Variants in ALCAM observed in about 807,000 individuals in gnomAD.
ALCAM encodes the protein CD166 antigen.
A neutral mutation model predicts 70.9 loss-of-function variants in ALCAM; 30 were observed. That is an observed-to-expected ratio of 0.42 (90% CI 0.32 to 0.57). The LOEUF (loss-of-function observed/expected upper bound fraction) is 0.57, where lower values mean the gene tolerates loss of function less well. ALCAM is among the 20% of genes least tolerant of loss of function. The probability of loss-of-function intolerance (pLI) is 0.11; values close to 1 mark genes in which losing one functional copy is unlikely to be tolerated. For synonymous variants in ALCAM, 249 were observed against 242.5 expected (o/e 1.03, Z -0.25); for missense variants, 591 against 695.1 (o/e 0.85, Z 1.68).
chr3:105,463,719 T>C (rs1334591921), intron 1 of ALCAM, among the ~76,000 whole-genome samples: 1 of 151,394 alleles, frequency 6.6e-6, no homozygotes, highest in Non-Finnish European at 1.5e-5. Flanking sequence ...ACTACATTTT[T>C]CCCAGTGAAT....
chr3:105,419,037 T>C (rs1936577682), intron 1 of ALCAM, among the ~76,000 whole-genome samples: 1 of 151,784 alleles, frequency 6.6e-6, no homozygotes, highest in African/African-American at 2.4e-5. Flanking sequence ...TGCCTCCAGA[T>C]ACAACTGCAT....
At chr3:105,377,979 AT>A (rs1935420121) in intron 1 of ALCAM, among the ~76,000 whole-genome samples, 2 of 152,028 alleles carry the variant, frequency 1.3e-5, no homozygotes, top group African/African-American at 2.4e-5. Context: ...AACTTCAGTT[AT>A]TTTTAAGTAA....
intron 1 of ALCAM, among the ~76,000 whole-genome samples, chr3:105,383,836 T>A (rs1935584955): frequency 6.6e-6 from 1 of 151,710 alleles, no homozygotes; most frequent in Non-Finnish European, 1.5e-5. Flanking sequence ...AACTACTTTT[T>A]CTCCCACAGG....
chr3:105,488,525 AAAG>A (rs1158337540), intron 1 of ALCAM, among the ~76,000 whole-genome samples: 3 of 152,172 alleles, frequency 2.0e-5, no homozygotes, highest in Admixed American at 6.6e-5. Flanking sequence ...AGAGGAATCT[AAAG>A]AAGAATAAAT....
At chr3:105,455,441 C>CAAA (rs66472811) in intron 1 of ALCAM, among the ~76,000 whole-genome samples, 2 of 126,460 alleles carry the variant, frequency 1.6e-5, no homozygotes, top group African/African-American at 5.9e-5. Flanking sequence ...GACACCGTCT[C>CAAA]AAAAAAAAAA....
At chr3:105,533,482 T>C (rs990888172) in intron 4 of ALCAM, 121 bp from the exon 5 acceptor site, 33 of 680,078 alleles carry the variant, frequency 4.9e-5, no homozygotes, top group Admixed American at 1.8e-4. Flanking sequence ...TTGGTCAGTG[T>C]TGGAAAATAA....
intron 1 of ALCAM, among the ~76,000 whole-genome samples, chr3:105,515,086 G>A (rs1407457201): frequency 6.6e-6 from 1 of 151,578 alleles, no homozygotes; most frequent in Non-Finnish European, 1.5e-5. Context: ...CACACACAGA[G>A]AACTTACTTT....
intron 1 of ALCAM, among the ~76,000 whole-genome samples, chr3:105,408,201 G>GA (rs34040803): frequency 1.3e-4 from 20 of 150,088 alleles, no homozygotes; most frequent in African/African-American, 2.5e-4. Flanking sequence ...CACAGAACTA[G>GA]AAAAAAAAAA....
At chr3:105,466,351 A>C (rs1201177573) in intron 1 of ALCAM, among the ~76,000 whole-genome samples, 1 of 151,500 alleles carries the variant, frequency 6.6e-6, no homozygotes. Flanking sequence ...TTCAGCAATC[A>C]GGGACAAGAG....
intron 14 of ALCAM, chr3:105,553,105 C>A: frequency 1.0e-6 from 1 of 982,904 alleles, no homozygotes; most frequent in Non-Finnish European, 1.2e-6. Flanking sequence ...GTCATTATGT[C>A]AACTTGAGTT....
intron 1 of ALCAM, among the ~76,000 whole-genome samples, chr3:105,376,786 G>C (rs1012084965): frequency 2.0e-5 from 3 of 152,140 alleles, no homozygotes; most frequent in African/African-American, 7.2e-5. Flanking sequence ...GAATAATCTA[G>C]CAAAGGATGT....
At chr3:105,475,878 C>T (rs1938095708) in intron 1 of ALCAM, among the ~76,000 whole-genome samples, 1 of 151,738 alleles carries the variant, frequency 6.6e-6, no homozygotes, top group Non-Finnish European at 1.5e-5. Flanking sequence ...ATAACTTTAC[C>T]TTCCCCAACT....
chr3:105,400,847 T>A (rs1056090668), intron 1 of ALCAM, among the ~76,000 whole-genome samples: 1 of 152,204 alleles, frequency 6.6e-6, no homozygotes, highest in African/African-American at 2.4e-5. Context: ...GTTGAGAAAG[T>A]TACATCAGTC....
At position 105,502,773 on chromosome 3, in the gene ALCAM, G is replaced by A. The variant is rs565292041; in HGVS notation, c.74-17294G>A. On this transcript the variant is annotated intron_variant, in intron 1 of 15. Transcript: ENST00000306107. ...AATTCACTAGTAACCAAAATTAACA[G>A]CCATAGTCTTTGGCAACTATCTTTG... is the stretch of plus-strand genomic sequence containing the variant. Among the ~76,000 whole-genome samples the A allele has an allele frequency of 3.3e-5, 5 of 152,306 alleles. No individual in the cohort carries two copies. In the East Asian group the frequency reaches 9.6e-4, roughly 29 times the overall value.
At chr3:105,488,828 G>C (rs1222619062) in intron 1 of ALCAM, among the ~76,000 whole-genome samples, 6 of 152,112 alleles carry the variant, frequency 3.9e-5, no homozygotes, top group Admixed American at 1.3e-4. Flanking sequence ...GATTGATGTG[G>C]TAAACGGGTC....
rs77939390 is a variant in ALCAM at position 105,532,116 on chromosome 3, C to T, written c.459+50C>T. The T allele has an allele frequency of 2.3e-3, 3,445 of 1,468,806 alleles. 85 individuals carry two copies. In the African/African-American group the frequency reaches 0.043, roughly 18 times the overall value. The allele number at this position is 1,468,806 out of a possible 1,614,324, so 91.0% of individuals were successfully genotyped here. A position where few individuals can be genotyped will look rare whatever the true frequency, so the allele number is the denominator to read the frequency against. On this transcript the variant is annotated intron_variant, in intron 4 of 15. Transcript: ENST00000306107. ...CTTTATTTAGCCAGTGTTGTAAGTG[C>T]CTTCTTCTGACCTTACATTCCAAGA...
intron 1 of ALCAM, among the ~76,000 whole-genome samples, chr3:105,449,974 A>G (rs546774632): frequency 4.6e-5 from 7 of 152,294 alleles, no homozygotes; most frequent in East Asian, 1.9e-4. Flanking sequence ...ATTGTGTTCT[A>G]TATTGCATCT....
chr3:105,420,949 T>C (rs770496318), intron 1 of ALCAM, among the ~76,000 whole-genome samples: 5 of 151,488 alleles, frequency 3.3e-5, no homozygotes, highest in Admixed American at 6.6e-5. Flanking sequence ...AGTTTGGTTG[T>C]ATTTTAAGCA....
At chr3:105,388,612 A>G (rs1935718432) in intron 1 of ALCAM, among the ~76,000 whole-genome samples, 1 of 151,550 alleles carries the variant, frequency 6.6e-6, no homozygotes, top group African/African-American at 2.4e-5. Context: ...CTAATTTAAG[A>G]TTCCTTCTGT....
Sources: gnomAD v4.1 joint callset for allele counts (sites outside exome capture counted in the v4.1 genomes callset) on GRCh38, gnomAD v4.1.1 for gene constraint, MANE v1.5 for transcripts, NCBI Gene and HGNC (gene_info 2026-07-23, HGNC 2026-07-21) for gene names.